The following PPHLN1 variants were observed in gnomAD, a reference collection of about 807,000 sequenced individuals.
PPHLN1 encodes the protein periphilin 1.
A neutral mutation model predicts 51.3 loss-of-function variants in PPHLN1; 29 were observed. The observed-to-expected ratio is 0.57, with a 90% confidence interval of 0.42 to 0.77. The LOEUF (loss-of-function observed/expected upper bound fraction) is 0.77. Among genes scored for constraint, PPHLN1 ranks in the 30% least tolerant of loss-of-function variants. PPHLN1 has a pLI of 0.00. For missense variants in PPHLN1, 436 were observed against 438.4 expected, an observed-to-expected ratio of 0.99 and a Z score of 0.05; for synonymous variants, 147 against 147.8, an observed-to-expected ratio of 0.99 and a Z score of 0.04.
At chr12:42,437,452 TCG>T (rs1478367470) in intron 9 of PPHLN1, among the ~76,000 whole-genome samples, 5 of 152,222 alleles carry the variant, frequency 3.3e-5, no homozygotes, top group African/African-American at 1.2e-4. Flanking sequence ...GTACTGAAAC[TCG>T]GGCACAAAAG....
intron 1 of PPHLN1, among the ~76,000 whole-genome samples, chr12:42,330,141 T>C (rs2069473487): frequency 6.6e-6 from 1 of 152,162 alleles, no homozygotes; most frequent in Non-Finnish European, 1.5e-5. Flanking sequence ...AGCATCTCAG[T>C]GTAGTAAAGA....
At chr12:42,418,146 A>G (rs1168347414) in intron 9 of PPHLN1, among the ~76,000 whole-genome samples, 2 of 144,888 alleles carry the variant, frequency 1.4e-5, no homozygotes, top group Non-Finnish European at 3.0e-5. Flanking sequence ...TCACTGTGTT[A>G]GCCAGGATGG....
At chr12:42,336,148 AT>A (rs2070627897) in intron 2 of PPHLN1, among the ~76,000 whole-genome samples, 174 bp downstream of exon 2, 1 of 152,292 alleles carries the variant, frequency 6.6e-6, no homozygotes, top group African/African-American at 2.4e-5. Context: ...AAAAGACAAC[AT>A]TTTATTTAAG....
chr12:42,351,100 T>A (rs1210013419), intron 2 of PPHLN1, among the ~76,000 whole-genome samples: 4 of 152,120 alleles, frequency 2.6e-5, no homozygotes, highest in East Asian at 1.9e-4. Flanking sequence ...AGTTTTTTTT[T>A]AACATATATC....
chr12:42,341,379 G>A (rs908892731), intron 2 of PPHLN1, among the ~76,000 whole-genome samples: 9 of 152,096 alleles, frequency 5.9e-5, no homozygotes, highest in African/African-American at 1.4e-4. Flanking sequence ...AAAGTGCAAC[G>A]TGAAGTGGTG....
intron 3 of PPHLN1, among the ~76,000 whole-genome samples, chr12:42,354,051 G>C (rs1039317654): frequency 1.2e-4 from 19 of 152,022 alleles, no homozygotes; most frequent in African/African-American, 4.6e-4. Context: ...TATTAGCACT[G>C]TTAAGTTTTG....
chr12:42,348,214 G>A (rs567258074), intron 2 of PPHLN1, among the ~76,000 whole-genome samples: 1 of 150,424 alleles, frequency 6.6e-6, no homozygotes, highest in African/African-American at 2.5e-5. Flanking sequence ...GGGTTCAAGC[G>A]ATTCTCCTAC....
chr12:42,339,663 TAAA>T (rs1166984277), intron 2 of PPHLN1, among the ~76,000 whole-genome samples: 1 of 152,196 alleles, frequency 6.6e-6, no homozygotes, highest in Admixed American at 6.5e-5. Flanking sequence ...ATCAAGCTAT[TAAA>T]AACCAAATTT....
downstream of PPHLN1, chr12:42,446,290 G>A: frequency 1.3e-6 from 2 of 1,582,158 alleles, no homozygotes; most frequent in Non-Finnish European, 8.6e-7. Flanking sequence ...ACTCACGCAA[G>A]GTATTGGTCC....
intron 4 of PPHLN1, among the ~76,000 whole-genome samples, chr12:42,368,925 TTTC>T (rs778194047): frequency 1.3e-5 from 2 of 152,236 alleles, no homozygotes; most frequent in African/African-American, 2.4e-5. Flanking sequence ...AGGTAGCCTC[TTTC>T]TTCTTTAATA....
chr12:42,441,716 C>T lies in PPHLN1; in HGVS notation c.*207C>T, dbSNP rs1237521559. The T allele has an allele frequency of 3.3e-6, 4 of 1,218,338 alleles. No homozygotes were observed. The highest frequency in any genetic ancestry group is 4.2e-6 in the Non-Finnish European group (4 of 958,666). 75.5% of individuals were successfully genotyped at this position (1,218,338 alleles called of 1,614,324 possible). ...TTGTATTTTTTGTAGAGATGGGGTTCACCATGTTGGCCAGGCTAGTCTCTA... is the reference window on the plus strand; with the variant it reads ...TTGTATTTTTTGTAGAGATGGGGTTTACCATGTTGGCCAGGCTAGTCTCTA... On this transcript the variant is annotated 3_prime_UTR_variant, in exon 10 of 10. Coordinates refer to ENST00000358314, the MANE Select transcript of PPHLN1 (RefSeq NM_201439.2).
intron 9 of PPHLN1, among the ~76,000 whole-genome samples, chr12:42,418,409 A>G (rs368174833): frequency 6.6e-6 from 1 of 152,012 alleles, no homozygotes; most frequent in Admixed American, 6.5e-5. Context: ...GTTAAATGCA[A>G]TGGCTTCCCT....
chr12:42,339,068 C>T (rs1402137465), intron 2 of PPHLN1, among the ~76,000 whole-genome samples: 2 of 152,164 alleles, frequency 1.3e-5, no homozygotes, highest in Non-Finnish European at 2.9e-5. Context: ...TTATCAGAAG[C>T]AAGCAGGTAG....
chr12:42,341,609 C>T (rs1160815075), intron 2 of PPHLN1, among the ~76,000 whole-genome samples: 1 of 151,970 alleles, frequency 6.6e-6, no homozygotes, highest in Admixed American at 6.6e-5. Flanking sequence ...TTATGGTATG[C>T]TTTTAAATTA....
At chr12:42,400,798 T>TCTCACACACACA (rs1372615565) in intron 9 of PPHLN1, among the ~76,000 whole-genome samples, 197 of 142,626 alleles carry the variant, frequency 1.4e-3, no homozygotes, top group African/African-American at 4.9e-3. Context: ...TCTCTCTCTT[T>TCTCACACACACA]CACACACACA....
intron 1 of PPHLN1, chr12:42,332,525 A>G (rs941289070): frequency 1.0e-5 from 6 of 590,326 alleles, no homozygotes; most frequent in African/African-American, 9.6e-5. Context: ...GATATCTTCT[A>G]TTTTCAAGAG....
chr12:42,374,858 CA>C lies in PPHLN1; in HGVS notation c.300-2del. The C allele has an allele frequency of 7.6e-7, 1 of 1,310,052 alleles. No homozygotes were observed. The highest frequency in any genetic ancestry group is 1.0e-6 in the Non-Finnish European group (1 of 972,580). 81.2% of individuals were successfully genotyped at this position (1,310,052 alleles called of 1,614,324 possible). The stretch of plus-strand genomic sequence containing the variant: ...ACTTATTTTATGTTTTTTTTTTTTT[CA>C]AAGGGACATGAGAGATGGCTTTAGA... On this transcript the variant is annotated splice_polypyrimidine_tract_variant and splice_region_variant and intron_variant, in intron 4 of 9. Transcript: ENST00000358314.
intron 5 of PPHLN1, among the ~76,000 whole-genome samples, chr12:42,378,108 C>T (rs1358919308): frequency 1.5e-5 from 2 of 129,748 alleles, no homozygotes; most frequent in Non-Finnish European, 3.4e-5. Context: ...TTCTTTCTTT[C>T]TTTCTTTCTT....
intron 9 of PPHLN1, among the ~76,000 whole-genome samples, chr12:42,403,456 T>C (rs1592757466): frequency 6.6e-6 from 1 of 152,340 alleles, no homozygotes; most frequent in African/African-American, 2.4e-5. Context: ...CTGCAGAAGC[T>C]TGTTGAAGTA....
Sources: allele counts gnomAD v4.1 joint callset (sites outside exome capture counted in the v4.1 genomes callset), GRCh38; gene constraint gnomAD v4.1.1; transcripts MANE v1.5; gene names NCBI Gene and HGNC (gene_info 2026-07-23, HGNC 2026-07-21).